Variants in AKT3 observed in about 807,000 individuals in gnomAD.
AKT3 encodes AKT serine/threonine kinase 3.
In AKT3, 15 loss-of-function variants were observed where a neutral mutation model predicts 65.3. The observed-to-expected ratio is 0.23, with a 90% CI of 0.15 to 0.35. The LOEUF (loss-of-function observed/expected upper bound fraction) is 0.35. Ranked by LOEUF, AKT3 falls within the 10% of genes least tolerant of loss-of-function variation. The pLI is 1.00. For missense variants in AKT3, 243 were observed against 576.5 expected (o/e 0.42, Z 5.92); for synonymous variants, 206 against 183.8 (o/e 1.12, Z -0.98).
chr1:243,631,184 A>T (rs1052920538), intron 6 of AKT3, among the ~76,000 whole-genome samples: 3 of 152,222 alleles, frequency 2.0e-5, no homozygotes, highest in Non-Finnish European at 2.9e-5. Context: ...TTGACTGCCA[A>T]AAAAGGCTAA....
chr1:243,770,750 A>G (rs1033340328), intron 2 of AKT3, among the ~76,000 whole-genome samples: 45 of 147,790 alleles, frequency 3.0e-4, no homozygotes, highest in Middle Eastern at 3.5e-3. Context: ...AAAAAAAAAC[A>G]TTTTTGGGAC....
At chr1:243,517,436 G>A (rs1419684785) in intron 12 of AKT3, among the ~76,000 whole-genome samples, 1 of 152,172 alleles carries the variant, frequency 6.6e-6, no homozygotes, top group Non-Finnish European at 1.5e-5. Flanking sequence ...AACTGTAAAT[G>A]TGTCTATTTT....
chr1:243,488,865 G>C, intron 13 of AKT3: 1 of 1,057,098 alleles, frequency 9.5e-7, no homozygotes, highest in Admixed American at 1.9e-5. Context: ...CAAGGACCTA[G>C]TGCCAGCCAG....
intron 2 of AKT3, among the ~76,000 whole-genome samples, chr1:243,802,321 C>T (rs7514984): frequency 0.27 from 40,751 of 151,900 alleles, 6,547 homozygotes; most frequent in African/African-American, 0.44. Context: ...TGGTAGCAAA[C>T]GAAACCATGA....
chr1:243,754,420 A>T (rs182031654), intron 2 of AKT3, among the ~76,000 whole-genome samples: 2 of 152,288 alleles, frequency 1.3e-5, no homozygotes, highest in East Asian at 3.9e-4. Context: ...CCCTCACTGG[A>T]CATTTGGCAA....
At chr1:243,510,973 G>A (rs1021449186) in intron 13 of AKT3, among the ~76,000 whole-genome samples, 3 of 152,242 alleles carry the variant, frequency 2.0e-5, no homozygotes, top group Admixed American at 2.0e-4. Flanking sequence ...AGAGGCCAAG[G>A]CCTATGCCCA....
chr1:243,641,078 C>T (rs1345941895), intron 5 of AKT3, among the ~76,000 whole-genome samples: 1 of 151,982 alleles, frequency 6.6e-6, no homozygotes, highest in African/African-American at 2.4e-5. Context: ...CTGGCTTAGC[C>T]TCCCAGCCTA....
chr1:243,571,906 C>A (rs970552384), intron 9 of AKT3, among the ~76,000 whole-genome samples: 1 of 152,132 alleles, frequency 6.6e-6, no homozygotes, highest in East Asian at 1.9e-4. Context: ...TTCCTACATA[C>A]AACATCTTAT....
chr1:243,573,248 T>C (rs1260585608), intron 8 of AKT3, among the ~76,000 whole-genome samples, 200 bp from the exon 9 acceptor site: 1 of 152,162 alleles, frequency 6.6e-6, no homozygotes, highest in Non-Finnish European at 1.5e-5. Context: ...AAATCAGCGT[T>C]TTAATCAATA....
downstream of AKT3, among the ~76,000 whole-genome samples, chr1:243,496,962 CCT>C (rs1668082413): frequency 6.6e-6 from 1 of 152,234 alleles, no homozygotes; most frequent in Admixed American, 6.5e-5. Context: ...CTGTCGCCCC[CCT>C]CTGAGCTGCA....
chr1:243,578,647 T>C (rs1344220141), intron 8 of AKT3, among the ~76,000 whole-genome samples: 1 of 152,128 alleles, frequency 6.6e-6, no homozygotes. Context: ...TTTACCTATG[T>C]AACAAACCTG....
At chr1:243,773,322 A>G (rs1690317925) in intron 2 of AKT3, among the ~76,000 whole-genome samples, 1 of 151,958 alleles carries the variant, frequency 6.6e-6, no homozygotes, top group Non-Finnish European at 1.5e-5. Context: ...AGTATGAGTA[A>G]AACAGAAGAG....
intron 3 of AKT3, among the ~76,000 whole-genome samples, chr1:243,666,065 G>A (rs1273635285): frequency 2.6e-5 from 4 of 151,988 alleles, no homozygotes; most frequent in Admixed American, 6.6e-5. Flanking sequence ...GTGCAGTGGC[G>A]CGATCTCGGC....
intron 12 of AKT3, among the ~76,000 whole-genome samples, chr1:243,529,408 A>AT (rs1376598548): frequency 2.0e-5 from 3 of 151,898 alleles, no homozygotes; most frequent in Non-Finnish European, 2.9e-5. Flanking sequence ...CTTATATGGC[A>AT]TTTTTTATAA....
At chr1:243,522,652 G>A (rs1670793491) in intron 12 of AKT3, among the ~76,000 whole-genome samples, 1 of 151,792 alleles carries the variant, frequency 6.6e-6, no homozygotes, top group Non-Finnish European at 1.5e-5. Context: ...ATTTAAAAAA[G>A]AAAAGAAAAG....
At chr1:243,729,805 T>C (rs1432406851) in intron 2 of AKT3, among the ~76,000 whole-genome samples, 1 of 152,234 alleles carries the variant, frequency 6.6e-6, no homozygotes, top group Non-Finnish European at 1.5e-5. Context: ...AATGATAGAT[T>C]ACAGTGTTCT....
At chr1:243,557,752 T>A (rs1348095964) in intron 10 of AKT3, among the ~76,000 whole-genome samples, 1 of 152,068 alleles carries the variant, frequency 6.6e-6, no homozygotes, top group African/African-American at 2.4e-5. Flanking sequence ...TCCTTTAATG[T>A]TCCCTTTAAT....
chr1:243,796,981 A>T (rs1322981698), intron 2 of AKT3, among the ~76,000 whole-genome samples: 1 of 152,180 alleles, frequency 6.6e-6, no homozygotes, highest in African/African-American at 2.4e-5. Context: ...GAGAGAAAAT[A>T]AAAAATTACT....
Position 243,610,152 on chromosome 1 carries a change from T to C in AKT3, c.696+3519A>G, listed in dbSNP as rs924018300. 2.0e-5 allele frequency among the ~76,000 whole-genome samples: 3 copies of C among 152,246 alleles called. No homozygotes were observed. In the South Asian group the frequency reaches 6.2e-4, roughly 32 times the overall value. Reference sequence around the variant, plus strand: ...GATATCCTCTCCTAAATTTACACTTTCAGCTTTTTTAACAAAATAAACTGT... The same window carrying C: ...GATATCCTCTCCTAAATTTACACTTCCAGCTTTTTTAACAAAATAAACTGT... On this transcript the variant is annotated intron_variant, in intron 8 of 13. Transcript: ENST00000673466.
Sources: allele counts gnomAD v4.1 joint callset (sites outside exome capture counted in the v4.1 genomes callset), GRCh38; gene constraint gnomAD v4.1.1; transcripts MANE v1.5; gene names NCBI Gene and HGNC (gene_info 2026-07-23, HGNC 2026-07-21).